Variants in GNA12 observed in about 807,000 individuals in gnomAD.
GNA12 encodes the protein G protein subunit alpha 12.
Under a neutral mutation model 26.0 loss-of-function variants are expected in GNA12, and 9 were observed. That is an observed-to-expected ratio of 0.35 (90% confidence interval 0.21 to 0.60). The LOEUF is 0.60. Ranked by LOEUF, GNA12 falls within the 20% of genes least tolerant of loss-of-function variation. GNA12 has a pLI of 0.78. For missense variants in GNA12, 405 were observed against 525.8 expected (o/e 0.77, Z 2.25); for synonymous variants, 264 against 219.6 (o/e 1.20, Z -1.79).
At chr7:2,772,109 G>C (rs922345318) in intron 2 of GNA12, among the ~76,000 whole-genome samples, 3 of 152,196 alleles carry the variant, frequency 2.0e-5, no homozygotes, top group Non-Finnish European at 2.9e-5. Context: ...TAAAAAAATT[G>C]TTTTCTTGAG....
intron 2 of GNA12, among the ~76,000 whole-genome samples, chr7:2,750,694 C>T (rs1335865101): frequency 5.9e-5 from 9 of 152,110 alleles, no homozygotes; most frequent in South Asian, 2.1e-4. Context: ...GCCACGGACA[C>T]GGGGGACTAT....
intron 2 of GNA12, among the ~76,000 whole-genome samples, chr7:2,736,007 G>T (rs957000414): frequency 6.6e-6 from 1 of 152,152 alleles, no homozygotes; most frequent in African/African-American, 2.4e-5. Context: ...ACAGAGACTG[G>T]ACAATGCACC....
intron 2 of GNA12, among the ~76,000 whole-genome samples, chr7:2,751,093 A>G (rs965001122): frequency 1.3e-5 from 2 of 152,116 alleles, no homozygotes; most frequent in African/African-American, 2.4e-5. Context: ...GTTGCTTTAC[A>G]TGCTTATATT....
intron 2 of GNA12, among the ~76,000 whole-genome samples, chr7:2,790,702 T>A (rs79977839): frequency 1.3e-5 from 2 of 152,216 alleles, no homozygotes; most frequent in Admixed American, 1.3e-4. Context: ...GGCCTGGTGG[T>A]ATGCACCTGT....
At chr7:2,738,148 C>T (rs557247072) in intron 2 of GNA12, among the ~76,000 whole-genome samples, 4 of 152,246 alleles carry the variant, frequency 2.6e-5, no homozygotes, top group African/African-American at 4.8e-5. Flanking sequence ...GAGGACCAGG[C>T]GTGGTGGCTC....
intron 2 of GNA12, among the ~76,000 whole-genome samples, chr7:2,737,328 G>A (rs182012018): frequency 3.5e-4 from 43 of 122,932 alleles, no homozygotes; most frequent in Middle Eastern, 7.7e-3. Context: ...TCGCCCTGTC[G>A]CCCCGGCTGG....
intron 2 of GNA12, among the ~76,000 whole-genome samples, chr7:2,792,232 A>G (rs1354396019): frequency 6.6e-6 from 1 of 152,210 alleles, no homozygotes; most frequent in African/African-American, 2.4e-5. Context: ...ATGAATGCAG[A>G]ATGAATGAAT....
At chr7:2,828,530 A>G (rs1375232428) in intron 1 of GNA12, among the ~76,000 whole-genome samples, 1 of 152,084 alleles carries the variant, frequency 6.6e-6, no homozygotes, top group Non-Finnish European at 1.5e-5. Context: ...GTATTGTTAT[A>G]TGGTACCAGG....
In GNA12 at chr7:2,803,834, C is replaced by CTG. The variant is rs571645437; in HGVS notation, c.310-8692_310-8691insCA. Among the ~76,000 whole-genome samples the CTG allele has an allele frequency of 7.3e-4, 111 of 152,154 alleles. 1 individual carries two copies. The South Asian group carries it at 8.3e-3, about 11-fold the overall frequency. ...AAAACAAACAAACAAAAAAACAACTCCAAACCAATCCAGATTTCCCCAGAT... is the reference window on the plus strand; with the variant it reads ...AAAACAAACAAACAAAAAAACAACTCTGCAAACCAATCCAGATTTCCCCAGAT... On this transcript the variant is annotated intron_variant, in intron 1 of 3. Coordinates refer to ENST00000275364, the MANE Select transcript of GNA12 (RefSeq NM_007353.3).
At chr7:2,780,653 T>A (rs1452460070) in intron 2 of GNA12, among the ~76,000 whole-genome samples, 1 of 152,226 alleles carries the variant, frequency 6.6e-6, no homozygotes, top group Admixed American at 6.5e-5. Flanking sequence ...AAACACACTA[T>A]ATGTACTCTT....
At chr7:2,776,982 C>G (rs931649385) in intron 2 of GNA12, among the ~76,000 whole-genome samples, 1 of 152,026 alleles carries the variant, frequency 6.6e-6, no homozygotes, top group Admixed American at 6.6e-5. Flanking sequence ...ACTGGAATTC[C>G]AAGGACCTGA....
At chr7:2,791,183 C>G (rs1370898627) in intron 2 of GNA12, among the ~76,000 whole-genome samples, 1 of 152,112 alleles carries the variant, frequency 6.6e-6, no homozygotes, top group Non-Finnish European at 1.5e-5. Flanking sequence ...TACCGATGAC[C>G]AAAGTCTTTC....
intron 1 of GNA12, among the ~76,000 whole-genome samples, chr7:2,802,384 GA>G (rs1420027900): frequency 1.0e-5 from 1 of 99,578 alleles, no homozygotes; most frequent in Admixed American, 1.6e-4. Context: ...TGGGGATGTA[GA>G]TTTTTTTTGG....
chr7:2,793,628 A>T lies in GNA12; in HGVS notation c.525+1300T>A, dbSNP rs1190724009. On this transcript the variant is annotated intron_variant, in intron 2 of 3. Transcript: ENST00000275364. ...TGGGGCATGGTGGCTCACACCTGAA[A>T]TCCCAGCACTTTGGGAGGCCGAGGC... Among the ~76,000 whole-genome samples the T allele has an allele frequency of 3.3e-5, 5 of 152,230 alleles. 1 individual carries two copies. The highest frequency in any genetic ancestry group is 3.3e-4 in the Admixed American group (5 of 15,278).
chr7:2,734,339 A>G (rs571721458), intron 2 of GNA12, among the ~76,000 whole-genome samples: 11 of 152,250 alleles, frequency 7.2e-5, no homozygotes, highest in Admixed American at 5.9e-4. Flanking sequence ...CACTTTCTAT[A>G]AGATTCCACT....
chr7:2,735,601 C>A (rs1790130264), intron 2 of GNA12, among the ~76,000 whole-genome samples: 1 of 152,174 alleles, frequency 6.6e-6, no homozygotes, highest in African/African-American at 2.4e-5. Flanking sequence ...GCAATCAGTC[C>A]CCCAGCTGCA....
intron 1 of GNA12, among the ~76,000 whole-genome samples, chr7:2,809,348 A>G (rs1793024592): frequency 6.6e-6 from 1 of 152,238 alleles, no homozygotes; most frequent in Non-Finnish European, 1.5e-5. Flanking sequence ...CACTCAAGTA[A>G]CAGGTGTTTT....
At chr7:2,806,985 C>T (rs1399248684) in intron 1 of GNA12, among the ~76,000 whole-genome samples, 1 of 152,160 alleles carries the variant, frequency 6.6e-6, no homozygotes, top group African/African-American at 2.4e-5. Context: ...AAACTGTTTT[C>T]CAGAAAGGTT....
At chr7:2,807,423 T>G (rs1230645239) in intron 1 of GNA12, among the ~76,000 whole-genome samples, 1 of 152,118 alleles carries the variant, frequency 6.6e-6, no homozygotes, top group African/African-American at 2.4e-5. Context: ...CAATAAAACG[T>G]TTCATGAAGG....
Sources: allele counts gnomAD v4.1 joint callset (sites outside exome capture counted in the v4.1 genomes callset), GRCh38; gene constraint gnomAD v4.1.1; transcripts MANE v1.5; gene names NCBI Gene and HGNC (gene_info 2026-07-23, HGNC 2026-07-21).